Variants in ARHGAP20 observed in about 807,000 individuals in gnomAD.
ARHGAP20 encodes the protein Rho GTPase activating protein 20, also known as rho GTPase-activating protein 20.
In ARHGAP20, 34 loss-of-function variants were observed where a neutral mutation model predicts 73.7. That is an observed-to-expected ratio of 0.46 (90% confidence interval 0.35 to 0.61). ARHGAP20 has a LOEUF of 0.61. ARHGAP20 is among the 20% of genes least tolerant of loss of function. The pLI, the probability that ARHGAP20 is intolerant of heterozygous loss-of-function variation, is 0.00. For synonymous variants in ARHGAP20, 523 were observed against 518.2 expected, an observed-to-expected ratio of 1.01 and a Z score of -0.13; for missense variants, 1,314 against 1,420.9, an observed-to-expected ratio of 0.92 and a Z score of 1.21.
chr11:110,646,573 T>C lies in ARHGAP20; in HGVS notation c.189-15781A>G, dbSNP rs549075103. 1.6e-4 allele frequency among the ~76,000 whole-genome samples: 24 copies of C among 152,178 alleles called. No individual in the cohort carries two copies. The Middle Eastern group carries it at 0.014, about 86-fold the overall frequency. ...AACCTTCTCAGAAATAAAAAAAACA[T>C]TTTTTAGTGAATGCTAAATAAAAAG... On this transcript the variant is annotated intron_variant, in intron 2 of 14. Transcript: ENST00000683387.
At chr11:110,589,463 C>T in intron 11 of ARHGAP20, 1 of 985,468 alleles carries the variant, frequency 1.0e-6, no homozygotes, top group Non-Finnish European at 1.2e-6. Flanking sequence ...GAATCTTCTT[C>T]ACCATATTTT....
At chr11:110,688,154 C>A (rs944211300) in intron 2 of ARHGAP20, among the ~76,000 whole-genome samples, 2 of 152,148 alleles carry the variant, frequency 1.3e-5, no homozygotes, top group South Asian at 2.1e-4. Flanking sequence ...TTCTTCTCTA[C>A]GCAGGATATT....
Position 110,578,422 on chromosome 11 carries a change from G to A in ARHGAP20, c.*948C>T. Reference sequence around the variant, plus strand: ...TGACTGTAATCTAAGAGGCAGGACTGTGCAGAAACATTTCAGCAAAGTGAT... The same window carrying A: ...TGACTGTAATCTAAGAGGCAGGACTATGCAGAAACATTTCAGCAAAGTGAT... On this transcript the variant is annotated 3_prime_UTR_variant, in exon 15 of 15. Transcript: ENST00000683387. 1.0e-6 allele frequency: 1 copy of A among 985,450 alleles called. No homozygotes were observed. Among genetic ancestry groups the A allele is most frequent in the Non-Finnish European group, 1.2e-6 (1 of 829,936 alleles). The allele number at this position is 985,450 out of a possible 1,614,324, so 61.0% of individuals were successfully genotyped here.
At chr11:110,658,622 T>C (rs1420584550) in intron 2 of ARHGAP20, among the ~76,000 whole-genome samples, 1 of 152,148 alleles carries the variant, frequency 6.6e-6, no homozygotes, top group Non-Finnish European at 1.5e-5. Flanking sequence ...GGCTAAAACA[T>C]CATTCTTATT....
At chr11:110,614,233 G>A (rs1948433906) in intron 6 of ARHGAP20, among the ~76,000 whole-genome samples, 1 of 152,220 alleles carries the variant, frequency 6.6e-6, no homozygotes, top group Non-Finnish European at 1.5e-5. Context: ...CTCTGCAGCT[G>A]CTATTGAAAG....
Position 110,579,824 on chromosome 11 carries a change from C to T in ARHGAP20, c.3122G>A (p.Gly1041Asp), listed in dbSNP as rs1339700500. ...TLHPSTWLRNGVASLKNWSLK... is the reference protein window; with the variant it reads ...TLHPSTWLRNDVASLKNWSLK... Reference sequence around the variant, plus strand: ...GGACCAGTTTTTCAAACTGGCCACACCATTTCTCAACCATGTGCTGGGATG... The same window carrying T: ...GGACCAGTTTTTCAAACTGGCCACATCATTTCTCAACCATGTGCTGGGATG... The change falls in exon 15 of 15, where the codon GGT becomes GAT. Residue 1041 changes from glycine to aspartate, a missense_variant. By Grantham distance (94) the Gly-to-Asp change is moderately conservative. Coordinates refer to ENST00000683387, the MANE Select transcript of ARHGAP20 (RefSeq NM_001384657.1). 1.2e-6 allele frequency: 2 copies of T among 1,614,202 alleles called. No individual in the cohort carries two copies. Among genetic ancestry groups the T allele is most frequent in the African/African-American group, 2.7e-5 (2 of 75,058 alleles).
chr11:110,581,206 C>A lies in ARHGAP20; in HGVS notation c.1740G>T (p.Leu580=). Residue 580 remains leucine, a synonymous_variant, in exon 15 of 15, where the codon CTG becomes CTT. Coordinates refer to ENST00000683387, the MANE Select transcript of ARHGAP20 (RefSeq NM_001384657.1). The part of the protein sequence containing the change: ...ENASDISCFQ[L]NDSSYDSLEN... Reference sequence around the variant, plus strand: ...CCAAGCTGTCATAGGAGGAGTCATTCAGTTGAAAGCAAGAAATATCTGTCA... The same window carrying A: ...CCAAGCTGTCATAGGAGGAGTCATTAAGTTGAAAGCAAGAAATATCTGTCA... The A allele has an allele frequency of 6.2e-7, 1 of 1,606,126 alleles. No homozygotes were observed. The highest frequency in any genetic ancestry group is 8.5e-7 in the Non-Finnish European group (1 of 1,175,694).
At chr11:110,683,769 C>A (rs1476022096) in intron 2 of ARHGAP20, among the ~76,000 whole-genome samples, 1 of 152,034 alleles carries the variant, frequency 6.6e-6, no homozygotes, top group Non-Finnish European at 1.5e-5. Context: ...TTGGAGTAAC[C>A]AGTTGTTATA....
Position 110,580,639 on chromosome 11 carries a change from C to T in ARHGAP20, c.2307G>A (p.Lys769=), listed in dbSNP as rs1054082803. Residue 769 remains lysine (K), a synonymous_variant, in exon 15 of 15, where the codon AAG becomes AAA. Transcript: ENST00000683387. ...TAGTGTTTTGAGTAGTGGCATTTTT[C>T]TTGCTGACATCAGTGCCTGTGACTA... ...QSLVTGTDVS[K]KNATTQNTKK... The T allele has an allele frequency of 1.2e-6, 2 of 1,614,100 alleles. No homozygotes were observed.
rs191499162 is a variant in ARHGAP20 at position 110,604,919 on chromosome 11, T to C, written c.964+1642A>G. Among the ~76,000 whole-genome samples the C allele has an allele frequency of 2.1e-3, 318 of 152,262 alleles. 5 individuals are homozygous for C. Among genetic ancestry groups the C allele is most frequent in the East Asian group, 1.4e-3 (7 of 5,184 alleles). ...ATTTATATAAGACAGTTGACTCAAGTAGTTGAAGAATGCTGCACAGAAACA... is the reference window on the plus strand; with the variant it reads ...ATTTATATAAGACAGTTGACTCAAGCAGTTGAAGAATGCTGCACAGAAACA... On this transcript the variant is annotated intron_variant, in intron 9 of 14. Coordinates refer to ENST00000683387, the MANE Select transcript of ARHGAP20 (RefSeq NM_001384657.1).
intron 9 of ARHGAP20, among the ~76,000 whole-genome samples, chr11:110,598,461 A>G (rs1948028473): frequency 6.6e-6 from 1 of 152,178 alleles, no homozygotes; most frequent in Admixed American, 6.5e-5. Context: ...AAGCCATTCA[A>G]TCTTTCATTT....
At chr11:110,661,838 T>C (rs1949619791) in intron 2 of ARHGAP20, among the ~76,000 whole-genome samples, 1 of 152,032 alleles carries the variant, frequency 6.6e-6, no homozygotes, top group South Asian at 2.1e-4. Context: ...AAAGTGGTAA[T>C]ATTTAACAAG....
At chr11:110,690,822 T>C in intron 1 of ARHGAP20, 193 bp from the exon 2 acceptor site, 1 of 867,030 alleles carries the variant, frequency 1.2e-6, no homozygotes, top group South Asian at 1.8e-5. Context: ...ACAGTAAGTG[T>C]CAAAAAGTGG....
intron 14 of ARHGAP20, 75 bp downstream of exon 14, chr11:110,582,246 A>G: frequency 1.6e-6 from 2 of 1,242,676 alleles, no homozygotes; most frequent in Non-Finnish European, 2.4e-6. Flanking sequence ...GCTCCAGGAA[A>G]ACCCCTATCC....
intron 2 of ARHGAP20, among the ~76,000 whole-genome samples, chr11:110,665,762 TG>T (rs1245364674): frequency 6.6e-6 from 1 of 152,126 alleles, no homozygotes; most frequent in Non-Finnish European, 1.5e-5. Context: ...TACCTGAGGC[TG>T]GGAAAATAGC....
intron 4 of ARHGAP20, among the ~76,000 whole-genome samples, chr11:110,618,364 C>T (rs940072949): frequency 1.3e-5 from 2 of 152,136 alleles, no homozygotes; most frequent in African/African-American, 4.8e-5. Context: ...AACACGCATA[C>T]CTGAGTTTGT....
chr11:110,706,927 T>G (rs1188788956), intron 1 of ARHGAP20, among the ~76,000 whole-genome samples: 1 of 152,132 alleles, frequency 6.6e-6, no homozygotes, highest in African/African-American at 2.4e-5. Flanking sequence ...GGCATAATAT[T>G]TTTCTCAGTA....
chr11:110,650,087 G>A (rs574878040), intron 2 of ARHGAP20, among the ~76,000 whole-genome samples: 5 of 152,044 alleles, frequency 3.3e-5, no homozygotes, highest in African/African-American at 1.2e-4. Flanking sequence ...ATTATTTGTC[G>A]ACTAATAATA....
chr11:110,702,220 G>C (rs573844102), intron 1 of ARHGAP20, among the ~76,000 whole-genome samples: 1 of 151,606 alleles, frequency 6.6e-6, no homozygotes, highest in Admixed American at 6.6e-5. Flanking sequence ...GGGATGCAAG[G>C]CTGGTTCAAT....
Sources: gnomAD v4.1 joint callset for allele counts (sites outside exome capture counted in the v4.1 genomes callset) on GRCh38, gnomAD v4.1.1 for gene constraint, MANE v1.5 for transcripts, NCBI Gene and HGNC (gene_info 2026-07-23, HGNC 2026-07-21) for gene names.